Variants in LYRM4 observed in about 807,000 individuals in gnomAD.
LYRM4 encodes the protein LYR motif containing 4.
LYRM4 carries 9 observed loss-of-function variants against 11.7 expected under a neutral mutation model. The ratio of observed to expected loss-of-function variants is 0.77; its 90% CI spans 0.46 to 1.34. The LOEUF (loss-of-function observed/expected upper bound fraction) is 1.34, where lower values mean the gene tolerates loss of function less well. LYRM4 is among the 40% of genes most tolerant of loss of function. The probability of loss-of-function intolerance (pLI) is 0.00; values close to 1 mark genes in which losing one functional copy is unlikely to be tolerated. For synonymous variants in LYRM4, 42 were observed against 40.4 expected (o/e 1.04, Z -0.15); for missense variants, 133 against 112.5 (o/e 1.18, Z -0.82).
At chr6:5,151,268 A>G (rs970857557) in intron 2 of LYRM4, among the ~76,000 whole-genome samples, 1 of 152,066 alleles carries the variant, frequency 6.6e-6, no homozygotes, top group African/African-American at 2.4e-5. Context: ...TATTTTTAGT[A>G]GAGACGGGTT....
chr6:5,047,812 G>A, the LYRM4 span, among the ~76,000 whole-genome samples: 1 of 152,180 alleles, frequency 6.6e-6, no homozygotes, highest in Non-Finnish European at 1.5e-5. Flanking sequence ...ATACATGCTT[G>A]TTACCTTATT....
the LYRM4 span, chr6:5,042,478 C>T: frequency 6.6e-6 from 1 of 152,654 alleles, no homozygotes; most frequent in African/African-American, 2.4e-5. Context: ...GCCTTCACCT[C>T]TAACGGGTCA....
At chr6:5,083,305 T>C in the LYRM4 span, among the ~76,000 whole-genome samples, 1 of 152,198 alleles carries the variant, frequency 6.6e-6, no homozygotes, top group African/African-American at 2.4e-5. Flanking sequence ...AATGTAGCAA[T>C]GTGTATTTAA....
chr6:5,037,015 T>TAAAATCTGCTTCAAATGTTTGGGTTAA, the LYRM4 span, among the ~76,000 whole-genome samples: 1 of 41,062 alleles, frequency 2.4e-5, no homozygotes, highest in Admixed American at 3.0e-4. Flanking sequence ...TTGTATTTTT[T>TAAAATCTGCTTCAAATGTTTGGGTTAA]TTTTTTTTTT....
At chr6:5,159,295 G>A (rs757017752) in intron 2 of LYRM4, among the ~76,000 whole-genome samples, 4 of 152,186 alleles carry the variant, frequency 2.6e-5, no homozygotes, top group Non-Finnish European at 4.4e-5. Flanking sequence ...ATGCAATGCT[G>A]GGACAAAGGG....
intron 2 of LYRM4, chr6:5,186,996 A>G (rs1186890042): frequency 4.3e-6 from 4 of 925,358 alleles, no homozygotes; most frequent in Non-Finnish European, 5.2e-6. Context: ...AAAAAAAAAA[A>G]AATTGTCTAT....
chr6:5,041,794 A>G, the LYRM4 span, among the ~76,000 whole-genome samples: 4 of 152,224 alleles, frequency 2.6e-5, no homozygotes, highest in African/African-American at 9.6e-5. Flanking sequence ...CTTGTAATTC[A>G]TCTCTGCTAA....
chr6:5,043,304 G>C, the LYRM4 span: 9 of 151,874 alleles, frequency 5.9e-5, no homozygotes, highest in African/African-American at 1.9e-4. Context: ...CCAAGATATT[G>C]GTAGAGACCC....
chr6:5,244,305 G>A (rs1764042978), intron 1 of LYRM4, among the ~76,000 whole-genome samples: 1 of 152,244 alleles, frequency 6.6e-6, no homozygotes, highest in Non-Finnish European at 1.5e-5. Flanking sequence ...CATATGTTCT[G>A]TAGGTTGGGT....
chr6:5,134,061 T>C (rs464863), intron 2 of LYRM4, among the ~76,000 whole-genome samples: 92,629 of 152,156 alleles, frequency 0.61, 28,681 homozygotes, highest in East Asian at 0.81. Context: ...AGTGCTGCTG[T>C]GAACATACGA....
the LYRM4 span, among the ~76,000 whole-genome samples, chr6:5,044,653 C>T: frequency 4.3e-3 from 654 of 152,222 alleles, 6 homozygotes; most frequent in African/African-American, 0.015. Context: ...GAAAATGTAT[C>T]CCCTCTAGTT....
chr6:5,182,055 T>A (rs1240116234), intron 2 of LYRM4, among the ~76,000 whole-genome samples: 1 of 152,162 alleles, frequency 6.6e-6, no homozygotes, highest in East Asian at 1.9e-4. Flanking sequence ...TTGTAATAAG[T>A]AAACTTTATA....
At chr6:5,222,873 G>GA (rs1762666143) in intron 1 of LYRM4, among the ~76,000 whole-genome samples, 1 of 151,428 alleles carries the variant, frequency 6.6e-6, no homozygotes, top group South Asian at 2.1e-4. Context: ...CTAAAGCATG[G>GA]AAAAATTAAA....
downstream of LYRM4, chr6:5,102,464 A>C (rs1174259799): frequency 6.6e-6 from 1 of 152,246 alleles, no homozygotes; most frequent in African/African-American, 2.4e-5. Context: ...ATGAAGTCAC[A>C]TGAATTCACT....
In LYRM4 at chr6:5,167,918, AG is replaced by A. The variant is rs577848853; in HGVS notation, c.207+48699del. On this transcript the variant is annotated intron_variant, in intron 2 of 2. Coordinates refer to ENST00000330636, the MANE Select transcript of LYRM4 (RefSeq NM_020408.6). Reference sequence around the variant, plus strand: ...ATCTTATACTACCGGGAAAAGACAAAGGAAAAAAAAACTGTTATAAAGCAAG... The same window carrying A: ...ATCTTATACTACCGGGAAAAGACAAAGAAAAAAAAACTGTTATAAAGCAAG... Among the ~76,000 whole-genome samples, 386 of 151,496 alleles carry A rather than the reference AG, an allele frequency of 2.5e-3. 4 individuals are homozygous for A. The highest frequency in any genetic ancestry group is 8.4e-3 in the African/African-American group (346 of 41,098).
At chr6:5,215,864 G>A (rs1452670214) in intron 2 of LYRM4, among the ~76,000 whole-genome samples, 3 of 152,190 alleles carry the variant, frequency 2.0e-5, no homozygotes, top group Admixed American at 2.0e-4. Flanking sequence ...AGTTTATTGC[G>A]TGATTGCTGC....
rs1760236487 is a variant in LYRM4, at chr6:5,184,071, A to C, written c.207+32547T>G. Reference sequence around the variant, plus strand: ...ATTTTTTTAAAGAGTAAGAACCAAAAGTCATACTTTTTTTTTCTTGTGTAT... The same window carrying C: ...ATTTTTTTAAAGAGTAAGAACCAAACGTCATACTTTTTTTTTCTTGTGTAT... On this transcript the variant is annotated intron_variant, in intron 2 of 2. Transcript: ENST00000330636. Among the ~76,000 whole-genome samples the C allele has an allele frequency of 5.3e-5, 8 of 152,334 alleles. No individual in the cohort carries two copies. The South Asian group carries it at 1.4e-3, about 28-fold the overall frequency.
At chr6:5,187,931 G>A (rs1042091934) in intron 2 of LYRM4, among the ~76,000 whole-genome samples, 21 of 152,070 alleles carry the variant, frequency 1.4e-4, no homozygotes, top group Non-Finnish European at 2.5e-4. Context: ...CTAAATGCAC[G>A]GGAAATTTCT....
At chr6:5,120,511 T>C (rs1343045913) in intron 2 of LYRM4, among the ~76,000 whole-genome samples, 2 of 152,280 alleles carry the variant, frequency 1.3e-5, no homozygotes, top group South Asian at 2.1e-4. Context: ...GCAAGATTTA[T>C]TGTGGAGAGC....
Sources: allele counts gnomAD v4.1 joint callset (sites outside exome capture counted in the v4.1 genomes callset), GRCh38; gene constraint gnomAD v4.1.1; transcripts MANE v1.5; gene names NCBI Gene and HGNC (gene_info 2026-07-23, HGNC 2026-07-21).